Variants in BICC1 observed in about 807,000 individuals in gnomAD.
BICC1 encodes BicC family RNA binding protein 1, also known as protein bicaudal C homolog 1.
In BICC1, 43 loss-of-function variants were observed where a neutral mutation model predicts 111.0. The observed-to-expected ratio is 0.39, with a 90% CI of 0.30 to 0.50. BICC1 has a LOEUF of 0.50. BICC1 is among the 20% of genes least tolerant of loss of function. The pLI is 0.88. For synonymous variants in BICC1, 467 were observed against 434.4 expected, an observed-to-expected ratio of 1.07 and a Z score of -0.93; for missense variants, 1,091 against 1,203.2, an observed-to-expected ratio of 0.91 and a Z score of 1.38.
chr10:58,590,350 C>A (rs1338364038), intron 1 of BICC1, among the ~76,000 whole-genome samples: 2 of 152,122 alleles, frequency 1.3e-5, no homozygotes, highest in African/African-American at 4.8e-5. Flanking sequence ...CCTGCTTGTG[C>A]TAAGGAGTTG....
chr10:58,654,884 T>A lies in BICC1; in HGVS notation c.237+33983T>A, dbSNP rs1423986131. Among the ~76,000 whole-genome samples the A allele has an allele frequency of 2.1e-3, 294 of 137,996 alleles. 2 individuals are homozygous for A. The highest frequency in any genetic ancestry group is 7.5e-3 in the African/African-American group (280 of 37,298). The allele number at this position is 137,996 out of a possible 152,430, so 90.5% of individuals were successfully genotyped here. ...ATAAGGTGTAAGGAAGGGATCCAGT[T>A]TCAGCTTTCTCCATATGGCTAGCCA... On this transcript the variant is annotated intron_variant, in intron 2 of 20. Coordinates refer to ENST00000373886, the MANE Select transcript of BICC1 (RefSeq NM_001080512.3).
In BICC1 at chr10:58,803,057, T is replaced by C; in HGVS notation, c.2016-20T>C. On this transcript the variant is annotated intron_variant, in intron 14 of 20. Transcript: ENST00000373886. ...TTGTATATATAGTGGAGTGTTAAAT[T>C]CCACACTCTTATTTCACAGCAGCAC... 6.4e-7 allele frequency: 1 copy of C among 1,564,412 alleles called. No individual in the cohort carries two copies. Among genetic ancestry groups the C allele is most frequent in the East Asian group, 2.3e-5 (1 of 43,622 alleles).
intron 3 of BICC1, among the ~76,000 whole-genome samples, chr10:58,740,658 T>G (rs1841631200): frequency 6.6e-6 from 1 of 152,232 alleles, no homozygotes; most frequent in Non-Finnish European, 1.5e-5. Flanking sequence ...ATCTTTTAAC[T>G]CTTATTCCCA....
intron 3 of BICC1, among the ~76,000 whole-genome samples, chr10:58,725,546 A>G (rs1841079042): frequency 6.6e-6 from 1 of 152,232 alleles, no homozygotes; most frequent in African/African-American, 2.4e-5. Flanking sequence ...TTTCACCGCT[A>G]GAGTGAACAT....
intron 1 of BICC1, among the ~76,000 whole-genome samples, chr10:58,564,592 T>C (rs899603203): frequency 6.6e-6 from 1 of 152,188 alleles, no homozygotes; most frequent in African/African-American, 2.4e-5. Context: ...GAGACAACTA[T>C]TACCTGTTCA....
chr10:58,691,113 C>T (rs1021878820), intron 2 of BICC1, among the ~76,000 whole-genome samples: 1 of 152,162 alleles, frequency 6.6e-6, no homozygotes, highest in African/African-American at 2.4e-5. Flanking sequence ...AAAGTTTCCT[C>T]CTGTCCTCTT....
intron 3 of BICC1, among the ~76,000 whole-genome samples, chr10:58,780,302 A>G (rs1842850388): frequency 6.6e-6 from 1 of 152,090 alleles, no homozygotes; most frequent in Admixed American, 6.6e-5. Context: ...CAGAAGTACA[A>G]CTCTGATACG....
rs1282382930 is a variant in BICC1 at position 58,807,116 on chromosome 10, C to A, written c.2334C>A (p.Ala778=). The change falls in exon 17 of 21, where the codon GCC becomes GCA. Residue 778 remains alanine, a synonymous_variant. Transcript: ENST00000373886. The part of the protein sequence containing the change: ...PAETIKELRR[A]NHVSYKPTMT... ...AAACTATCAAGGAGTTGAGAAGGGC[C>A]AATCATGTGTCCTATAAGCCCACAA... 14 of 1,613,720 alleles carry A rather than the reference C, an allele frequency of 8.7e-6. No individual in the cohort carries two copies. The highest frequency in any genetic ancestry group is 1.3e-5 in the African/African-American group (1 of 74,884).
chr10:58,616,815 T>C (rs942264201), intron 1 of BICC1, among the ~76,000 whole-genome samples: 2 of 152,252 alleles, frequency 1.3e-5, no homozygotes, highest in African/African-American at 4.8e-5. Context: ...TTCACAGTGT[T>C]GCTGCAGGGC....
intron 3 of BICC1, among the ~76,000 whole-genome samples, chr10:58,714,954 A>G (rs930954288): frequency 4.6e-5 from 7 of 151,972 alleles, no homozygotes; most frequent in African/African-American, 1.4e-4. Flanking sequence ...ACACGCCTGT[A>G]ATCCCAGCTA....
chr10:58,770,469 G>A (rs1042747710), intron 3 of BICC1, among the ~76,000 whole-genome samples: 1 of 151,914 alleles, frequency 6.6e-6, no homozygotes, highest in Non-Finnish European at 1.5e-5. Context: ...CATATCAAAT[G>A]TCAAATAGTA....
intron 1 of BICC1, among the ~76,000 whole-genome samples, chr10:58,559,780 G>C (rs554299257): frequency 6.6e-6 from 1 of 152,128 alleles, no homozygotes; most frequent in East Asian, 1.9e-4. Context: ...GTAATTTGTT[G>C]AGAATTTTTA....
At chr10:58,763,006 GT>G (rs1842359349) in intron 3 of BICC1, among the ~76,000 whole-genome samples, 1 of 151,982 alleles carries the variant, frequency 6.6e-6, no homozygotes. Context: ...TATTATGTTT[GT>G]TGTTTTAAGG....
At chr10:58,662,344 C>T (rs577248658) in intron 2 of BICC1, among the ~76,000 whole-genome samples, 1 of 152,190 alleles carries the variant, frequency 6.6e-6, no homozygotes, top group African/African-American at 2.4e-5. Context: ...TTTAAATGCC[C>T]AAATGAAATA....
At chr10:58,735,378 C>T (rs1291765115) in intron 3 of BICC1, among the ~76,000 whole-genome samples, 1 of 152,152 alleles carries the variant, frequency 6.6e-6, no homozygotes, top group Non-Finnish European at 1.5e-5. Flanking sequence ...GCTGTTAAAG[C>T]CCTTCGATGC....
intron 2 of BICC1, among the ~76,000 whole-genome samples, chr10:58,666,188 A>C (rs1198973795): frequency 6.6e-6 from 1 of 152,182 alleles, no homozygotes; most frequent in Admixed American, 6.5e-5. Context: ...AAAATGACCT[A>C]CTTTCACTTT....
intron 1 of BICC1, among the ~76,000 whole-genome samples, chr10:58,591,371 T>C (rs1474255971): frequency 1.3e-5 from 2 of 152,166 alleles, no homozygotes; most frequent in African/African-American, 4.8e-5. Context: ...TACCATCAAC[T>C]GGGTGGTCTA....
At chr10:58,739,454 C>A (rs995525395) in intron 3 of BICC1, among the ~76,000 whole-genome samples, 4 of 152,204 alleles carry the variant, frequency 2.6e-5, no homozygotes, top group Admixed American at 1.3e-4. Flanking sequence ...GGTGGATAAG[C>A]TTTTTGATGT....
At chr10:58,523,322 G>A (rs1375399300) in intron 1 of BICC1, among the ~76,000 whole-genome samples, 6 of 152,098 alleles carry the variant, frequency 3.9e-5, no homozygotes, top group Non-Finnish European at 7.4e-5. Flanking sequence ...CTGACAAACC[G>A]AATCCAGCAG....
Sources: allele counts gnomAD v4.1 joint callset (sites outside exome capture counted in the v4.1 genomes callset), GRCh38; gene constraint gnomAD v4.1.1; transcripts MANE v1.5; gene names NCBI Gene and HGNC (gene_info 2026-07-23, HGNC 2026-07-21).